The following PRKN variants were observed in gnomAD, a reference collection of about 807,000 sequenced individuals.
The protein encoded by PRKN is E3 ubiquitin-protein ligase parkin.
In PRKN, 56 loss-of-function variants were observed where a neutral mutation model predicts 59.5. That is an observed-to-expected ratio of 0.94 (90% CI 0.76 to 1.18). The LOEUF is 1.18. Among genes scored for constraint, PRKN ranks in the 50% most tolerant of loss-of-function variants. The probability of loss-of-function intolerance (pLI) is 0.00; values close to 1 mark genes in which losing one functional copy is unlikely to be tolerated. For missense variants in PRKN, 657 were observed against 596.4 expected (o/e 1.10, Z -1.06); for synonymous variants, 250 against 222.1 (o/e 1.13, Z -1.12).
chr6:161,367,115 C>T (rs1011582490), intron 10 of PRKN, among the ~76,000 whole-genome samples: 38 of 151,096 alleles, frequency 2.5e-4, no homozygotes, highest in African/African-American at 9.0e-4. Context: ...CTCAGCCTCC[C>T]GAGTAGCTGG....
intron 2 of PRKN, among the ~76,000 whole-genome samples, chr6:162,403,062 C>T (rs1005336505): frequency 2.0e-5 from 3 of 152,136 alleles, no homozygotes; most frequent in Admixed American, 1.3e-4. Context: ...CGTCTGGATT[C>T]TCACTCCCAG....
chr6:162,158,089 T>C lies in PRKN; in HGVS notation c.534+43042A>G, dbSNP rs1782597652. 1.3e-5 allele frequency among the ~76,000 whole-genome samples: 2 copies of C among 152,054 alleles called. 1 individual carries two copies. The highest frequency in any genetic ancestry group is 4.8e-5 in the African/African-American group (2 of 41,320). ...TATAATTGTCAGGGTGCGATAAGTTTTTGGCATATTTTCTATGTAACTGAT... is the reference window on the plus strand; with the variant it reads ...TATAATTGTCAGGGTGCGATAAGTTCTTGGCATATTTTCTATGTAACTGAT... On this transcript the variant is annotated intron_variant, in intron 4 of 11. Transcript: ENST00000366898.
At chr6:161,800,239 G>A (rs1791023664) in intron 6 of PRKN, among the ~76,000 whole-genome samples, 2 of 152,078 alleles carry the variant, frequency 1.3e-5, no homozygotes, top group African/African-American at 2.4e-5. Context: ...GAGAGGCAAC[G>A]ACAGGTAGAC....
intron 1 of PRKN, among the ~76,000 whole-genome samples, chr6:162,616,330 C>T (rs1583914140): frequency 6.6e-6 from 1 of 152,128 alleles, no homozygotes; most frequent in Non-Finnish European, 1.5e-5. Flanking sequence ...TAGCATCTAA[C>T]ACACCTTGGC....
intron 2 of PRKN, among the ~76,000 whole-genome samples, chr6:162,350,595 C>A (rs1391891469): frequency 6.6e-6 from 1 of 152,098 alleles, no homozygotes; most frequent in Non-Finnish European, 1.5e-5. Flanking sequence ...TTTCAAAATA[C>A]CATACTGTAG....
chr6:161,365,670 C>T (rs115859743), intron 10 of PRKN, among the ~76,000 whole-genome samples: 2,403 of 152,266 alleles, frequency 0.016, 58 homozygotes, highest in African/African-American at 0.055. Context: ...TCCGATCCCC[C>T]GAGCACACAA....
intron 2 of PRKN, among the ~76,000 whole-genome samples, chr6:162,269,849 T>C (rs1780297709): frequency 6.6e-6 from 1 of 152,078 alleles, no homozygotes; most frequent in African/African-American, 2.4e-5. Context: ...AGAGTGGCCA[T>C]AATAAAAAAA....
chr6:162,436,805 A>G (rs1405873481), intron 2 of PRKN, among the ~76,000 whole-genome samples: 1 of 145,216 alleles, frequency 6.9e-6, no homozygotes, highest in African/African-American at 2.7e-5. Context: ...AGACTTCAAG[A>G]AAGAGGCCAG....
chr6:162,200,663 CTTTTTTTACT>C (rs1784688543), intron 4 of PRKN, among the ~76,000 whole-genome samples: 1 of 152,160 alleles, frequency 6.6e-6, no homozygotes, highest in Non-Finnish European at 1.5e-5. Context: ...GATCCATACT[CTTTTTTTACT>C]TTTTAAAATT....
chr6:161,522,633 A>G (rs1778871557), intron 9 of PRKN, among the ~76,000 whole-genome samples: 1 of 152,264 alleles, frequency 6.6e-6, no homozygotes, highest in South Asian at 2.1e-4. Context: ...TACATGACAG[A>G]AGACATTCTC....
chr6:161,917,295 AG>A (rs1778604078), intron 6 of PRKN, among the ~76,000 whole-genome samples: 1 of 151,992 alleles, frequency 6.6e-6, no homozygotes, highest in Non-Finnish European at 1.5e-5. Flanking sequence ...TAGTAGAGAC[AG>A]GGTTTTGCCA....
chr6:161,890,180 A>C (rs148348038), intron 6 of PRKN, among the ~76,000 whole-genome samples: 2 of 152,192 alleles, frequency 1.3e-5, no homozygotes, highest in African/African-American at 4.8e-5. Context: ...TATTCTGAGA[A>C]TGTTATCTTA....
At chr6:162,096,113 G>A (rs528946603) in intron 4 of PRKN, among the ~76,000 whole-genome samples, 97 of 150,522 alleles carry the variant, frequency 6.4e-4, no homozygotes, top group Admixed American at 1.7e-3. Flanking sequence ...CAACTATAAC[G>A]ACAGAGATAT....
At chr6:161,553,111 T>G (rs1182400933) in intron 8 of PRKN, among the ~76,000 whole-genome samples, 1 of 152,194 alleles carries the variant, frequency 6.6e-6, no homozygotes, top group African/African-American at 2.4e-5. Context: ...ACACTACAGT[T>G]CATTTTGTCT....
intron 7 of PRKN, among the ~76,000 whole-genome samples, chr6:161,752,879 A>G (rs1315532001): frequency 6.6e-6 from 1 of 152,206 alleles, no homozygotes; most frequent in Non-Finnish European, 1.5e-5. Context: ...CTTTGGGAGC[A>G]GGAATCAACA....
chr6:161,699,395 A>T (rs1432013738), intron 7 of PRKN, among the ~76,000 whole-genome samples: 1 of 152,140 alleles, frequency 6.6e-6, no homozygotes, highest in Non-Finnish European at 1.5e-5. Flanking sequence ...AAATAGTCAT[A>T]ACAGTTTTAT....
intron 2 of PRKN, among the ~76,000 whole-genome samples, chr6:162,318,493 T>TC (rs1782841717): frequency 6.6e-6 from 1 of 152,086 alleles, no homozygotes; most frequent in Non-Finnish European, 1.5e-5. Flanking sequence ...AGAAATGAAA[T>TC]TGCTGGGTGA....
chr6:162,703,366 C>T (rs902641313), intron 1 of PRKN, among the ~76,000 whole-genome samples: 1 of 152,098 alleles, frequency 6.6e-6, no homozygotes, highest in African/African-American at 2.4e-5. Context: ...TATACATTCT[C>T]TTTCTAATTC....
chr6:161,614,433 T>C (rs1295248701), intron 7 of PRKN, among the ~76,000 whole-genome samples: 2 of 152,206 alleles, frequency 1.3e-5, no homozygotes, highest in Non-Finnish European at 2.9e-5. Flanking sequence ...TAAACAAAGC[T>C]AGAAAAGGCT....
Sources: gnomAD v4.1 joint callset for allele counts (sites outside exome capture counted in the v4.1 genomes callset) on GRCh38, gnomAD v4.1.1 for gene constraint, MANE v1.5 for transcripts, NCBI Gene and HGNC (gene_info 2026-07-23, HGNC 2026-07-21) for gene names.